The following DLG2 variants were observed in gnomAD, a reference collection of about 807,000 sequenced individuals.
DLG2 encodes the protein disks large homolog 2.
Under a neutral mutation model 132.5 loss-of-function variants are expected in DLG2, and 45 were observed. That is an observed-to-expected ratio of 0.34 (90% CI 0.27 to 0.44). The LOEUF is 0.44. Ranked by LOEUF, DLG2 falls within the 20% of genes least tolerant of loss-of-function variation. DLG2 has a pLI of 1.00. For missense variants in DLG2, 1,045 were observed against 1,196.9 expected (o/e 0.87, Z 1.87); for synonymous variants, 424 against 419.6 (o/e 1.01, Z -0.13).
At chr11:84,417,969 A>C (rs1410154554) in intron 7 of DLG2, among the ~76,000 whole-genome samples, 1 of 152,202 alleles carries the variant, frequency 6.6e-6, no homozygotes, top group African/African-American at 2.4e-5. Flanking sequence ...TATACACTTT[A>C]CATGTAATAT....
intron 7 of DLG2, among the ~76,000 whole-genome samples, chr11:84,493,832 A>G (rs1287243192): frequency 1.3e-5 from 2 of 152,222 alleles, no homozygotes; most frequent in Admixed American, 6.5e-5. Context: ...TAAAAAAACT[A>G]GTGATACTTC....
intron 9 of DLG2, among the ~76,000 whole-genome samples, chr11:84,108,665 T>C (rs1008035844): frequency 3.6e-4 from 54 of 152,002 alleles, no homozygotes; most frequent in African/African-American, 1.3e-3. Context: ...GGTCAGACAC[T>C]GGGGACAGTA....
rs1227572901 is a variant in DLG2 at position 85,076,712 on chromosome 11, ACAGAGAAG to A, written c.357+34941_357+34948del. On this transcript the variant is annotated intron_variant, in intron 6 of 27. Transcript: ENST00000376104. The stretch of plus-strand genomic sequence containing the variant: ...CAGGCACATGTACATAAAAGGGACT[ACAGAGAAG>A]CAGTAAAGGCCTCATTCAAACCACA... 3.3e-5 allele frequency among the ~76,000 whole-genome samples: 5 copies of A among 152,028 alleles called. 1 individual carries two copies. Among genetic ancestry groups the A allele is most frequent in the Admixed American group, 2.6e-4 (4 of 15,248 alleles).
chr11:83,808,213 C>CT (rs2046414219), intron 17 of DLG2, among the ~76,000 whole-genome samples: 1 of 152,202 alleles, frequency 6.6e-6, no homozygotes, highest in South Asian at 2.1e-4. Flanking sequence ...CAGGGACCAG[C>CT]TTTCCTCAAC....
At chr11:84,710,649 C>T (rs542900238) in intron 6 of DLG2, among the ~76,000 whole-genome samples, 1 of 151,960 alleles carries the variant, frequency 6.6e-6, no homozygotes, top group African/African-American at 2.4e-5. Context: ...TTACAGTGCA[C>T]TGGACCAGCA....
intron 6 of DLG2, among the ~76,000 whole-genome samples, chr11:84,949,141 C>G (rs2050600893): frequency 6.6e-6 from 1 of 152,044 alleles, no homozygotes; most frequent in South Asian, 2.1e-4. Flanking sequence ...AGCTGGGCAT[C>G]CGGGGGAGAC....
intron 18 of DLG2, among the ~76,000 whole-genome samples, chr11:83,672,955 G>A (rs1036127848): frequency 2.6e-5 from 4 of 152,110 alleles, no homozygotes; most frequent in African/African-American, 2.4e-5. Flanking sequence ...CTAGCTACTC[G>A]GGAGGCTGAG....
rs139336396 is a variant in DLG2 at position 84,288,911 on chromosome 11, GACTT to G, written c.520-37624_520-37621del. 0.015 allele frequency among the ~76,000 whole-genome samples: 2,241 copies of G among 152,188 alleles called. 193 individuals carry two copies. In the East Asian group the frequency reaches 0.25, roughly 17 times the overall value. ...GATATTTACTTTTATAATGAACTGAGACTTAAATATTGCTCATGCACAGAAATAT... is the reference window on the plus strand; with the variant it reads ...GATATTTACTTTTATAATGAACTGAGAAATATTGCTCATGCACAGAAATAT... On this transcript the variant is annotated intron_variant, in intron 7 of 27. Coordinates refer to ENST00000376104, the MANE Select transcript of DLG2 (RefSeq NM_001142699.3).
chr11:85,396,402 G>T (rs1277666185), intron 3 of DLG2, among the ~76,000 whole-genome samples: 1 of 152,074 alleles, frequency 6.6e-6, no homozygotes, highest in Non-Finnish European at 1.5e-5. Flanking sequence ...AACAGCAAGG[G>T]AACAAAACTG....
chr11:84,375,918 C>T (rs2098727245), intron 7 of DLG2, among the ~76,000 whole-genome samples: 1 of 151,958 alleles, frequency 6.6e-6, no homozygotes, highest in South Asian at 2.1e-4. Flanking sequence ...AAATCCTGTT[C>T]AATGACTTGT....
chr11:85,578,087 C>T (rs2078266603), intron 3 of DLG2, among the ~76,000 whole-genome samples: 1 of 152,052 alleles, frequency 6.6e-6, no homozygotes, highest in Non-Finnish European at 1.5e-5. Flanking sequence ...AATAAGAGCA[C>T]ACACCTACCA....
At chr11:84,529,529 C>A (rs1013366423) in intron 7 of DLG2, among the ~76,000 whole-genome samples, 1 of 152,096 alleles carries the variant, frequency 6.6e-6, no homozygotes, top group African/African-American at 2.4e-5. Context: ...ATCGAGAACT[C>A]AATCTCATTT....
intron 7 of DLG2, among the ~76,000 whole-genome samples, chr11:84,418,831 A>G (rs2098938849): frequency 6.6e-6 from 1 of 152,062 alleles, no homozygotes; most frequent in African/African-American, 2.4e-5. Context: ...ATGCTGTCCT[A>G]CCCTCTTCTG....
At chr11:83,918,587 G>T (rs964782443) in intron 15 of DLG2, among the ~76,000 whole-genome samples, 1 of 152,138 alleles carries the variant, frequency 6.6e-6, no homozygotes, top group Non-Finnish European at 1.5e-5. Context: ...TGAATTAGAG[G>T]CTGACTTTAT....
At chr11:84,610,720 C>A (rs1014643239) in intron 6 of DLG2, among the ~76,000 whole-genome samples, 1 of 152,102 alleles carries the variant, frequency 6.6e-6, no homozygotes, top group Admixed American at 6.6e-5. Context: ...ATAGCTTCAG[C>A]CTATTCATCT....
At chr11:84,023,110 C>A (rs2095441195) in intron 11 of DLG2, among the ~76,000 whole-genome samples, 1 of 152,058 alleles carries the variant, frequency 6.6e-6, no homozygotes, top group Non-Finnish European at 1.5e-5. Flanking sequence ...GGGATAAAAA[C>A]TAGAAGATTC....
intron 17 of DLG2, among the ~76,000 whole-genome samples, chr11:83,817,792 C>T (rs1043091343): frequency 1.3e-5 from 2 of 152,224 alleles, no homozygotes; most frequent in South Asian, 4.1e-4. Context: ...GAGAGGATTG[C>T]GTGAGCCCAG....
At chr11:83,611,611 G>T (rs1464825515) in intron 19 of DLG2, among the ~76,000 whole-genome samples, 2 of 152,136 alleles carry the variant, frequency 1.3e-5, no homozygotes, top group South Asian at 2.1e-4. Context: ...TTCAATAACA[G>T]CACATCTTTT....
At chr11:84,335,160 C>CAAA (rs58944265) in intron 7 of DLG2, among the ~76,000 whole-genome samples, 5,844 of 62,608 alleles carry the variant, frequency 0.093, 400 homozygotes, top group East Asian at 0.19. Flanking sequence ...ATAAAGAAAG[C>CAAA]AAAAAAAAAA....
Sources: gnomAD v4.1 joint callset for allele counts (sites outside exome capture counted in the v4.1 genomes callset) on GRCh38, gnomAD v4.1.1 for gene constraint, MANE v1.5 for transcripts, NCBI Gene and HGNC (gene_info 2026-07-23, HGNC 2026-07-21) for gene names.